Variants in SPOCK3 observed in about 807,000 individuals in gnomAD.
SPOCK3 encodes testican-3.
Under a neutral mutation model 56.6 loss-of-function variants are expected in SPOCK3, and 30 were observed. That is an observed-to-expected ratio of 0.53 (90% confidence interval 0.40 to 0.72). The LOEUF is 0.72. Among genes scored for constraint, SPOCK3 ranks in the 30% least tolerant of loss-of-function variants. SPOCK3 has a pLI of 0.00. For missense variants in SPOCK3, 527 were observed against 530.0 expected, an observed-to-expected ratio of 0.99 and a Z score of 0.06; for synonymous variants, 196 against 183.3, an observed-to-expected ratio of 1.07 and a Z score of -0.56.
intron 6 of SPOCK3, among the ~76,000 whole-genome samples, chr4:166,852,963 G>A (rs955992761): frequency 2.6e-5 from 4 of 152,132 alleles, no homozygotes; most frequent in African/African-American, 9.7e-5. Context: ...CTGAATTAGT[G>A]AGACCACCTT....
chr4:167,136,510 GT>G (rs1319835864), intron 2 of SPOCK3, among the ~76,000 whole-genome samples: 1 of 152,036 alleles, frequency 6.6e-6, no homozygotes, highest in Non-Finnish European at 1.5e-5. Flanking sequence ...TTTCAGACAA[GT>G]TTTGAAACAC....
intron 2 of SPOCK3, among the ~76,000 whole-genome samples, chr4:167,073,914 T>G (rs28743155): frequency 0.062 from 9,426 of 151,942 alleles, 386 homozygotes; most frequent in African/African-American, 0.1. Flanking sequence ...TATATAAACA[T>G]AAGACTTTCA....
chr4:167,234,550 G>T, upstream of SPOCK3: 1 of 266,476 alleles, frequency 3.8e-6, no homozygotes, highest in Non-Finnish European at 7.2e-6. Flanking sequence ...CCGCCGTCTC[G>T]AGCCGTCCAC....
At chr4:167,123,369 TCTC>T (rs937131044) in intron 2 of SPOCK3, among the ~76,000 whole-genome samples, 2 of 152,180 alleles carry the variant, frequency 1.3e-5, no homozygotes, top group African/African-American at 4.8e-5. Flanking sequence ...TCACAGCTCT[TCTC>T]CTGAAGATGG....
At chr4:166,902,766 C>A (rs1358332643) in intron 5 of SPOCK3, among the ~76,000 whole-genome samples, 1 of 151,300 alleles carries the variant, frequency 6.6e-6, no homozygotes, top group Non-Finnish European at 1.5e-5. Context: ...AATCTATTGA[C>A]TTAATTTTTA....
chr4:166,835,742 C>T (rs1579365215), intron 6 of SPOCK3, among the ~76,000 whole-genome samples: 1 of 152,274 alleles, frequency 6.6e-6, no homozygotes, highest in African/African-American at 2.4e-5. Flanking sequence ...GGCATGGTGG[C>T]TCACGCCAGC....
chr4:167,032,518 T>G (rs1752369632), intron 3 of SPOCK3, among the ~76,000 whole-genome samples: 1 of 151,918 alleles, frequency 6.6e-6, no homozygotes. Flanking sequence ...ACATAATGGA[T>G]TTGTGCAATT....
chr4:166,769,600 TG>T (rs1430068858), intron 7 of SPOCK3, among the ~76,000 whole-genome samples: 2 of 151,968 alleles, frequency 1.3e-5, no homozygotes, highest in Non-Finnish European at 2.9e-5. Context: ...TGCCCCTACT[TG>T]GGGGGTGCCT....
At chr4:166,856,160 G>GGGAGGGGGA (rs1553988748) in intron 6 of SPOCK3, among the ~76,000 whole-genome samples, 3 of 150,082 alleles carry the variant, frequency 2.0e-5, no homozygotes, top group Non-Finnish European at 4.4e-5. Flanking sequence ...AGAGACTGAG[G>GGGAGGGGGA]GGAGGAGGAG....
chr4:166,815,654 C>T (rs1671161896), intron 6 of SPOCK3, among the ~76,000 whole-genome samples: 2 of 151,914 alleles, frequency 1.3e-5, no homozygotes, highest in Admixed American at 6.6e-5. Flanking sequence ...GTGGTGGGCA[C>T]CTATAAGCCC....
chr4:166,991,003 A>C (rs1005922236), intron 4 of SPOCK3, among the ~76,000 whole-genome samples: 2 of 152,166 alleles, frequency 1.3e-5, no homozygotes, highest in Admixed American at 6.6e-5. Flanking sequence ...TAATAGGTCT[A>C]AATAATAGTG....
chr4:166,889,009 AATG>A (rs1734485307), intron 6 of SPOCK3, 118 bp downstream of exon 6: 1 of 658,298 alleles, frequency 1.5e-6, no homozygotes, highest in African/African-American at 1.8e-5. Flanking sequence ...TAAAAATATA[AATG>A]ATATTGGGTA....
intron 4 of SPOCK3, among the ~76,000 whole-genome samples, chr4:166,962,219 G>A (rs1744220319): frequency 6.6e-6 from 1 of 152,096 alleles, no homozygotes; most frequent in Non-Finnish European, 1.5e-5. Context: ...TCTTTGACAT[G>A]TAAGATATTC....
At chr4:167,197,585 C>T (rs1037714488) in intron 2 of SPOCK3, among the ~76,000 whole-genome samples, 3 of 150,514 alleles carry the variant, frequency 2.0e-5, no homozygotes, top group Non-Finnish European at 4.4e-5. Flanking sequence ...AGATTGTACT[C>T]GAATGTCTTC....
chr4:167,083,487 T>C (rs189584705), intron 2 of SPOCK3, among the ~76,000 whole-genome samples: 1 of 152,138 alleles, frequency 6.6e-6, no homozygotes, highest in African/African-American at 2.4e-5. Flanking sequence ...GGTATCTCCA[T>C]GCAGACTGCT....
intron 2 of SPOCK3, among the ~76,000 whole-genome samples, chr4:167,196,445 G>C (rs1288827538): frequency 6.6e-6 from 1 of 152,036 alleles, no homozygotes; most frequent in Non-Finnish European, 1.5e-5. Flanking sequence ...AACTTCACTA[G>C]GTCCTTAAAT....
intron 6 of SPOCK3, among the ~76,000 whole-genome samples, chr4:166,795,396 G>T (rs891866519): frequency 6.6e-6 from 1 of 152,058 alleles, no homozygotes; most frequent in Admixed American, 6.6e-5. Context: ...GAGATTTCAG[G>T]AACATTTCAG....
chr4:167,174,853 A>C (rs1730833315), intron 2 of SPOCK3, among the ~76,000 whole-genome samples: 1 of 151,886 alleles, frequency 6.6e-6, no homozygotes, highest in African/African-American at 2.4e-5. Flanking sequence ...GCATGCACAC[A>C]AACTCTTCTC....
intron 6 of SPOCK3, among the ~76,000 whole-genome samples, chr4:166,809,999 C>T (rs771625723): frequency 2.0e-5 from 3 of 152,066 alleles, no homozygotes; most frequent in Non-Finnish European, 4.4e-5. Context: ...ACAAATTTAT[C>T]GATTACAGTT....
Sources: allele counts gnomAD v4.1 joint callset (sites outside exome capture counted in the v4.1 genomes callset), GRCh38; gene constraint gnomAD v4.1.1; transcripts MANE v1.5; gene names NCBI Gene and HGNC (gene_info 2026-07-23, HGNC 2026-07-21).